The following USP34 variants were observed in gnomAD, a reference collection of about 807,000 sequenced individuals.
The protein encoded by USP34 is ubiquitin carboxyl-terminal hydrolase 34.
A neutral mutation model predicts 460.3 loss-of-function variants in USP34; 70 were observed. The ratio of observed to expected loss-of-function variants is 0.15; its 90% confidence interval spans 0.13 to 0.19. The LOEUF (loss-of-function observed/expected upper bound fraction) is 0.19, where lower values mean the gene tolerates loss of function less well. Ranked by LOEUF, USP34 falls within the 10% of genes least tolerant of loss-of-function variation. The pLI is 1.00. For missense variants in USP34, 3,985 were observed against 4,236.2 expected, an observed-to-expected ratio of 0.94 and a Z score of 1.65; for synonymous variants, 1,647 against 1,405.3, an observed-to-expected ratio of 1.17 and a Z score of -3.85.
intron 5 of USP34, among the ~76,000 whole-genome samples, chr2:61,384,668 G>C (rs1002321075): frequency 2.0e-5 from 3 of 152,018 alleles, no homozygotes; most frequent in African/African-American, 7.3e-5. Context: ...GCAAGACCAT[G>C]TCTCAAAACA....
intron 41 of USP34, among the ~76,000 whole-genome samples, chr2:61,272,453 C>A (rs62152274): frequency 0.22 from 33,558 of 150,754 alleles, 3,799 homozygotes; most frequent in South Asian, 0.33. Flanking sequence ...TCTTTATTAA[C>A]CTCTCTCAAA....
intron 27 of USP34, 93 bp from the exon 28 acceptor site, chr2:61,301,547 T>C: frequency 9.4e-7 from 1 of 1,065,270 alleles, no homozygotes; most frequent in Non-Finnish European, 1.4e-6. Flanking sequence ...AAACACACTG[T>C]ATGTTAAGTT....
At position 61,325,358 on chromosome 2, in the gene USP34, C is replaced by A. The variant is rs752035213; in HGVS notation, c.3013+17G>T. The A allele has an allele frequency of 2.7e-6, 4 of 1,495,244 alleles. No individual in the cohort carries two copies. The East Asian group carries it at 7.5e-5, about 28-fold the overall frequency. 92.6% of individuals were successfully genotyped at this position (1,495,244 alleles called of 1,614,324 possible). ...AGTCAAAACAGATTTTTAAAAAGTA[C>A]TGATTAAAAAACTTACTGAAATGAT... On this transcript the variant is annotated intron_variant, in intron 21 of 79. Coordinates refer to ENST00000398571, the MANE Select transcript of USP34 (RefSeq NM_014709.4).
intron 5 of USP34, among the ~76,000 whole-genome samples, chr2:61,388,705 G>C (rs1305171762): frequency 2.6e-5 from 4 of 151,854 alleles, no homozygotes; most frequent in Non-Finnish European, 5.9e-5. Context: ...GCAGTGAGCT[G>C]AGATCACGCC....
intron 59 of USP34, among the ~76,000 whole-genome samples, chr2:61,229,269 CAG>C (rs1687815537): frequency 6.6e-6 from 1 of 151,174 alleles, no homozygotes; most frequent in African/African-American, 2.4e-5. Flanking sequence ...ATTTTTTAAA[CAG>C]AACAAATATT....
At chr2:61,328,545 A>G (rs1482330854) in intron 20 of USP34, among the ~76,000 whole-genome samples, 1 of 152,150 alleles carries the variant, frequency 6.6e-6, no homozygotes, top group Non-Finnish European at 1.5e-5. Context: ...TTGTATCAAA[A>G]TAGTCCAGAC....
intron 10 of USP34, among the ~76,000 whole-genome samples, chr2:61,357,974 T>C (rs894484595): frequency 6.6e-6 from 1 of 152,086 alleles, no homozygotes; most frequent in Non-Finnish European, 1.5e-5. Context: ...GTGGATCACA[T>C]GAGGTCATAA....
At chr2:61,465,655 C>A (rs1695739223) in intron 1 of USP34, among the ~76,000 whole-genome samples, 5 of 152,058 alleles carry the variant, frequency 3.3e-5, no homozygotes, top group Admixed American at 2.0e-4. Flanking sequence ...CCAGCCTGGG[C>A]AACAATGCAA....
At chr2:61,304,996 C>T (rs1208159567) in intron 27 of USP34, among the ~76,000 whole-genome samples, 1 of 152,080 alleles carries the variant, frequency 6.6e-6, no homozygotes, top group Non-Finnish European at 1.5e-5. Flanking sequence ...CGTCATTTTT[C>T]CCCTTTACAA....
chr2:61,417,469 C>T (rs1438446300), intron 2 of USP34: 1 of 288,986 alleles, frequency 3.5e-6, no homozygotes, highest in Non-Finnish European at 6.8e-6. Flanking sequence ...CTTGATCACA[C>T]AGAGACTGAC....
At chr2:61,236,283 T>A (rs748991905) in intron 54 of USP34, 42 bp downstream of exon 54, 43 of 1,589,496 alleles carry the variant, frequency 2.7e-5, no homozygotes, top group Non-Finnish European at 3.0e-5. Flanking sequence ...AAGATTTTTT[T>A]AAAATGTGTA....
chr2:61,213,364 T>C (rs1260286158), intron 68 of USP34, among the ~76,000 whole-genome samples: 1 of 152,116 alleles, frequency 6.6e-6, no homozygotes, highest in East Asian at 1.9e-4. Context: ...GGTGTGAGAT[T>C]CTATACAACT....
intron 3 of USP34, among the ~76,000 whole-genome samples, chr2:61,402,840 G>A (rs1693761736): frequency 6.6e-6 from 1 of 151,038 alleles, no homozygotes; most frequent in South Asian, 2.1e-4. Flanking sequence ...TAAAATAATT[G>A]TGTGTATATA....
intron 33 of USP34, 40 bp from the exon 34 acceptor site, chr2:61,288,917 A>T (rs370183483): frequency 8.2e-6 from 13 of 1,588,604 alleles, no homozygotes; most frequent in African/African-American, 1.3e-5. Flanking sequence ...TATTTTCATT[A>T]ATTTAGAATG....
At chr2:61,235,073 A>G (rs1034105664) in intron 57 of USP34, among the ~76,000 whole-genome samples, 3 of 151,848 alleles carry the variant, frequency 2.0e-5, no homozygotes, top group Admixed American at 6.5e-5. Flanking sequence ...GAGATTTGCT[A>G]AGGGAGGAGA....
intron 2 of USP34, 26 bp downstream of exon 2, chr2:61,420,720 T>G (rs780879977): frequency 6.5e-7 from 1 of 1,533,138 alleles, no homozygotes; most frequent in East Asian, 2.3e-5. Context: ...CAAAAATTAG[T>G]CTTCGAAATA....
intron 3 of USP34, among the ~76,000 whole-genome samples, chr2:61,404,817 C>G (rs1261638270): frequency 6.6e-6 from 1 of 152,200 alleles, no homozygotes; most frequent in Non-Finnish European, 1.5e-5. Context: ...TCAATTCCCA[C>G]TATGCCTAGA....
chr2:61,369,473 T>A (rs1421002887), intron 10 of USP34, among the ~76,000 whole-genome samples: 1 of 151,716 alleles, frequency 6.6e-6, no homozygotes, highest in Non-Finnish European at 1.5e-5. Context: ...CGAAACCTTA[T>A]CTCTACTAAA....
intron 41 of USP34, among the ~76,000 whole-genome samples, chr2:61,274,637 C>G (rs1433298498): frequency 6.6e-6 from 1 of 152,044 alleles, no homozygotes; most frequent in African/African-American, 2.4e-5. Flanking sequence ...AAAAATAATA[C>G]AAAATAAAAC....
Sources: allele counts gnomAD v4.1 joint callset (sites outside exome capture counted in the v4.1 genomes callset), GRCh38; gene constraint gnomAD v4.1.1; transcripts MANE v1.5; gene names NCBI Gene and HGNC (gene_info 2026-07-23, HGNC 2026-07-21).